PACRG: variants seen among roughly 807,000 people sequenced by gnomAD.
PACRG encodes the protein parkin coregulated, also known as parkin coregulated gene protein.
Under a neutral mutation model 29.7 loss-of-function variants are expected in PACRG, and 29 were observed. That is an observed-to-expected ratio of 0.98 (90% CI 0.73 to 1.33). The LOEUF is 1.33. Ranked by LOEUF, PACRG falls within the 40% of genes most tolerant of loss-of-function variation. PACRG has a pLI of 0.00. For missense variants in PACRG, 279 were observed against 316.2 expected (o/e 0.88, Z 0.89); for synonymous variants, 116 against 118.7 (o/e 0.98, Z 0.15).
chr6:163,128,021 A>T (rs1156936304), intron 4 of PACRG, among the ~76,000 whole-genome samples: 1 of 152,240 alleles, frequency 6.6e-6, no homozygotes, highest in East Asian at 1.9e-4. Context: ...TTTTTCAAAC[A>T]GCTTCAAAAT....
intron 3 of PACRG, among the ~76,000 whole-genome samples, chr6:163,080,501 T>C (rs1239346359): frequency 6.6e-6 from 1 of 152,196 alleles, no homozygotes; most frequent in East Asian, 1.9e-4. Context: ...TTGGATGACA[T>C]GACGCTTCAG....
chr6:163,268,646 A>C (rs149569847), intron 4 of PACRG, among the ~76,000 whole-genome samples: 1 of 152,022 alleles, frequency 6.6e-6, no homozygotes, highest in African/African-American at 2.4e-5. Context: ...TTATGGTTCT[A>C]TCAGCTATAA....
At chr6:162,769,516 G>T (rs1311147893) in intron 1 of PACRG, among the ~76,000 whole-genome samples, 2 of 151,988 alleles carry the variant, frequency 1.3e-5, no homozygotes, top group Non-Finnish European at 2.9e-5. Flanking sequence ...AACCTACCTT[G>T]ATGGTTTTTG....
intron 2 of PACRG, among the ~76,000 whole-genome samples, chr6:162,969,046 CA>C (rs35665491): frequency 6.2e-4 from 45 of 72,838 alleles, no homozygotes; most frequent in East Asian, 3.0e-3. Flanking sequence ...GACTCTATCA[CA>C]AAAAAAAAAA....
intron 2 of PACRG, among the ~76,000 whole-genome samples, chr6:162,982,853 T>C (rs1802549873): frequency 6.6e-6 from 1 of 152,118 alleles, no homozygotes; most frequent in Non-Finnish European, 1.5e-5. Context: ...GTCCATTGTT[T>C]CTTTGTTGAC....
At chr6:163,183,889 A>G (rs1254646878) in intron 4 of PACRG, among the ~76,000 whole-genome samples, 2 of 152,228 alleles carry the variant, frequency 1.3e-5, no homozygotes, top group African/African-American at 2.4e-5. Context: ...ATACAAAGCA[A>G]TGCAACACTG....
At chr6:163,089,198 C>A in intron 3 of PACRG, 61 bp from the exon 4 acceptor site, 1 of 1,540,634 alleles carries the variant, frequency 6.5e-7, no homozygotes, top group Non-Finnish European at 8.9e-7. Flanking sequence ...TTACCTTAAC[C>A]TTGTAGACCT....
At chr6:162,947,342 A>ATATAATCATAT (rs1388762226) in intron 2 of PACRG, among the ~76,000 whole-genome samples, 2 of 13,352 alleles carry the variant, frequency 1.5e-4, no homozygotes, top group African/African-American at 1.2e-4. Flanking sequence ...TCATATATAT[A>ATATAATCATAT]ATGATTACAT....
At chr6:163,249,845 T>A (rs932515337) in intron 4 of PACRG, among the ~76,000 whole-genome samples, 24 of 152,042 alleles carry the variant, frequency 1.6e-4, no homozygotes, top group African/African-American at 5.8e-4. Flanking sequence ...TAAATTGGAG[T>A]GTCTTTTATG....
chr6:162,781,921 T>TA (rs1485070397), intron 1 of PACRG, among the ~76,000 whole-genome samples: 4 of 151,758 alleles, frequency 2.6e-5, no homozygotes, highest in Non-Finnish European at 5.9e-5. Context: ...ATAATATTAA[T>TA]AATTATATTA....
intron 4 of PACRG, among the ~76,000 whole-genome samples, chr6:163,230,769 T>G (rs1782005594): frequency 1.3e-5 from 2 of 152,092 alleles, no homozygotes; most frequent in Non-Finnish European, 1.5e-5. Flanking sequence ...CGAACTGCTG[T>G]AGGTGCAGAG....
chr6:163,156,715 A>T (rs1220204993), intron 4 of PACRG, among the ~76,000 whole-genome samples: 1 of 152,220 alleles, frequency 6.6e-6, no homozygotes, highest in South Asian at 2.1e-4. Flanking sequence ...CGAGGTATCT[A>T]CAGAACCGTG....
chr6:162,837,337 A>G (rs1266627347), intron 2 of PACRG, among the ~76,000 whole-genome samples: 2 of 152,162 alleles, frequency 1.3e-5, no homozygotes, highest in Non-Finnish European at 2.9e-5. Context: ...ACCAGCATGC[A>G]TGTTGAATTG....
At chr6:163,044,230 A>G (rs1809073616) in intron 2 of PACRG, among the ~76,000 whole-genome samples, 1 of 148,536 alleles carries the variant, frequency 6.7e-6, no homozygotes, top group Non-Finnish European at 1.5e-5. Context: ...GTGCAGTGGC[A>G]CGATCACGGT....
intron 4 of PACRG, chr6:163,310,756 C>T (rs16894769): frequency 0.11 from 16,816 of 152,204 alleles, 1,083 homozygotes; most frequent in Admixed American, 0.16. Context: ...CATCAGAATC[C>T]TAGGTCATCC....
intron 4 of PACRG, among the ~76,000 whole-genome samples, chr6:163,253,521 T>C (rs1384085858): frequency 6.6e-6 from 1 of 151,986 alleles, no homozygotes; most frequent in East Asian, 1.9e-4. Context: ...AGGAGGGAAA[T>C]TGGAGATTGT....
chr6:163,313,015 C>T (rs9458785), intron 4 of PACRG: 2,401 of 218,322 alleles, frequency 0.011, 68 homozygotes, highest in African/African-American at 0.053. Context: ...ATCAGCCTCC[C>T]AAAGTGCTGG....
chr6:162,798,806 A>G (rs1785596922), intron 1 of PACRG, among the ~76,000 whole-genome samples: 1 of 152,194 alleles, frequency 6.6e-6, no homozygotes. Flanking sequence ...GGAAAGATGT[A>G]TTAGGAAACC....
intron 3 of PACRG, among the ~76,000 whole-genome samples, chr6:163,086,537 C>T (rs1813576189): frequency 6.6e-6 from 1 of 152,056 alleles, no homozygotes; most frequent in Admixed American, 6.5e-5. Context: ...TTTGTATTTA[C>T]TTTCAAACTA....
Sources: allele counts gnomAD v4.1 joint callset (sites outside exome capture counted in the v4.1 genomes callset), GRCh38; gene constraint gnomAD v4.1.1; transcripts MANE v1.5; gene names NCBI Gene and HGNC (gene_info 2026-07-23, HGNC 2026-07-21).